AP1M1: variants seen among roughly 807,000 people sequenced by gnomAD.
AP1M1 encodes the protein AP-1 complex subunit mu-1.
AP1M1 carries 18 observed loss-of-function variants against 57.1 expected under a neutral mutation model. The observed-to-expected ratio is 0.32, with a 90% CI of 0.22 to 0.47. The LOEUF is 0.47. Ranked by LOEUF, AP1M1 falls within the 20% of genes least tolerant of loss-of-function variation. The pLI is 1.00. For synonymous variants in AP1M1, 241 were observed against 237.9 expected (o/e 1.01, Z -0.12); for missense variants, 362 against 593.5 (o/e 0.61, Z 4.05).
chr19:16,231,842 T>C (rs906986119), intron 9 of AP1M1, among the ~76,000 whole-genome samples: 44 of 152,382 alleles, frequency 2.9e-4, no homozygotes, highest in African/African-American at 1.1e-3. Context: ...TTTCAACTTT[T>C]TGTGGAAGTG....
chr19:16,216,484 G>T (rs1346200322), intron 5 of AP1M1, among the ~76,000 whole-genome samples: 3 of 152,096 alleles, frequency 2.0e-5, no homozygotes, highest in Non-Finnish European at 4.4e-5. Context: ...AACTACTGCA[G>T]TTTGGAGGAA....
At chr19:16,214,972 C>T (rs2091511323) in intron 5 of AP1M1, among the ~76,000 whole-genome samples, 1 of 151,426 alleles carries the variant, frequency 6.6e-6, no homozygotes, top group African/African-American at 2.4e-5. Flanking sequence ...TAGTCTCAGA[C>T]TCCTGGATTC....
intron 5 of AP1M1, among the ~76,000 whole-genome samples, chr19:16,224,480 G>T (rs1390234171): frequency 6.6e-6 from 1 of 152,226 alleles, no homozygotes; most frequent in Non-Finnish European, 1.5e-5. Context: ...GCCTCCAGAT[G>T]CGATCATCTG....
intron 10 of AP1M1, chr19:16,233,997 T>C: frequency 1.7e-6 from 1 of 596,434 alleles, no homozygotes; most frequent in South Asian, 2.3e-5. Flanking sequence ...ACATCCTGGC[T>C]GCTCACCACT....
chr19:16,202,004 A>G (rs2091450230), intron 1 of AP1M1, among the ~76,000 whole-genome samples: 1 of 152,080 alleles, frequency 6.6e-6, no homozygotes. Context: ...TCTGTGTAGG[A>G]AGAGCCCTGT....
chr19:16,228,639 C>A lies in AP1M1; in HGVS notation c.889-131C>A. On this transcript the variant is annotated intron_variant, in intron 8 of 11. Coordinates refer to ENST00000291439, the MANE Select transcript of AP1M1 (RefSeq NM_032493.4). The surrounding 1 kb of genome is among the most constrained non-coding windows in gnomAD (Gnocchi z 5.0). ...AGGGCAGGAGAAGGGGTGGGTAGTG[C>A]CTGGAGAAGTGGGGCCAGGGGCGGG... 1.1e-6 allele frequency: 1 copy of A among 938,092 alleles called. No individual in the cohort carries two copies. Among genetic ancestry groups the A allele is most frequent in the Non-Finnish European group, 1.6e-6 (1 of 621,750 alleles). The allele number at this position is 938,092 out of a possible 1,614,324, so 58.1% of individuals were successfully genotyped here. A position where few individuals can be genotyped will look rare whatever the true frequency, so the allele number is the denominator to read the frequency against.
At chr19:16,231,900 T>G (rs914148836) in intron 9 of AP1M1, among the ~76,000 whole-genome samples, 14 of 152,236 alleles carry the variant, frequency 9.2e-5, no homozygotes, top group African/African-American at 3.4e-4. Context: ...TTCTCAGTCC[T>G]GTCCCTACTG....
In AP1M1 at chr19:16,227,809, GC is replaced by G; in HGVS notation, c.816+120del. 1.5e-6 allele frequency: 2 copies of G among 1,308,692 alleles called. No individual in the cohort carries two copies. The highest frequency in any genetic ancestry group is 2.1e-6 in the Non-Finnish European group (2 of 941,312). 81.1% of individuals were successfully genotyped at this position (1,308,692 alleles called of 1,614,324 possible). On this transcript the variant is annotated intron_variant, in intron 7 of 11. Transcript: ENST00000291439. The surrounding 1 kb of genome is among the most constrained non-coding windows in gnomAD (Gnocchi z 6.2). ...CACCCCACGCTCCATGAGCTGCCTG[GC>G]TCTGCAGAGATGGAGTCTGAGGACT...
At chr19:16,213,757 T>A (rs554214275) in intron 5 of AP1M1, among the ~76,000 whole-genome samples, 3 of 152,288 alleles carry the variant, frequency 2.0e-5, no homozygotes, top group Admixed American at 2.0e-4. Flanking sequence ...CCTCCCAAAG[T>A]GCTGGGATAT....
rs903199827 is a variant in AP1M1 at position 16,239,170 on chromosome 19, T to C, written c.*4735T>C. ...CTGGTCTCGAACTCCCGGCTTCAGG[T>C]GATCCGCCCCCCTCACCTTCCCAAA... On this transcript the variant is annotated 3_prime_UTR_variant, in exon 12 of 12. Transcript: ENST00000291439. The C allele has an allele frequency of 6.8e-6, 1 of 147,362 alleles. No individual in the cohort carries two copies. The highest frequency in any genetic ancestry group is 2.5e-5 in the African/African-American group (1 of 39,342). 9.1% of individuals were successfully genotyped at this position (147,362 alleles called of 1,614,324 possible).
intron 5 of AP1M1, among the ~76,000 whole-genome samples, chr19:16,212,551 C>G (rs756504511): frequency 1.8e-4 from 27 of 152,262 alleles, no homozygotes; most frequent in Middle Eastern, 3.4e-3. Flanking sequence ...ACACCAGCTC[C>G]TGGCTTACTT....
At position 16,245,395 on chromosome 19, in the gene AP1M1, C is replaced by A. The variant is rs1461188448; in HGVS notation, c.*10960C>A. 1.3e-5 allele frequency: 2 copies of A among 152,162 alleles called. No individual in the cohort carries two copies. Among genetic ancestry groups the A allele is most frequent in the African/African-American group, 2.4e-5 (1 of 41,428 alleles). The allele number at this position is 152,162 out of a possible 1,614,324, so 9.4% of individuals were successfully genotyped here. A position where few individuals can be genotyped will look rare whatever the true frequency, so the allele number is the denominator to read the frequency against. On this transcript the variant is annotated 3_prime_UTR_variant, in exon 12 of 12. Coordinates refer to ENST00000291439, the MANE Select transcript of AP1M1 (RefSeq NM_032493.4). ...CTCCTGGGTTCAAGCAATTCTCCTG[C>A]CTCAGCCTCCTGAGTAGCCAGGATT...
At chr19:16,214,444 C>A (rs905244893) in intron 5 of AP1M1, among the ~76,000 whole-genome samples, 2 of 151,566 alleles carry the variant, frequency 1.3e-5, no homozygotes, top group African/African-American at 4.9e-5. Context: ...CTCTGCCTCC[C>A]TGGCTCAAGC....
In AP1M1 at chr19:16,211,996, G is replaced by A. The variant is rs1006983189; in HGVS notation, c.546+2819G>A. On this transcript the variant is annotated intron_variant, in intron 5 of 11. Transcript: ENST00000291439. Reference sequence around the variant, plus strand: ...GCTTTTTGATGTACTGCTGGATTCAGTTTACTAGTATTTTGTTGAGGATTT... The same window carrying A: ...GCTTTTTGATGTACTGCTGGATTCAATTTACTAGTATTTTGTTGAGGATTT... 2.0e-5 allele frequency among the ~76,000 whole-genome samples: 3 copies of A among 152,182 alleles called. No individual in the cohort carries two copies. The South Asian group carries it at 6.2e-4, about 32-fold the overall frequency.
At position 16,234,514 on chromosome 19, in the gene AP1M1, T is replaced by C. The variant is rs1398177801; in HGVS notation, c.*79T>C. On this transcript the variant is annotated 3_prime_UTR_variant, in exon 12 of 12. Coordinates refer to ENST00000291439, the MANE Select transcript of AP1M1 (RefSeq NM_032493.4). ...GGACACACCTGCCAAACCCACCAGA[T>C]GGAGGGGCCCTCCCTGGTCTCTGGC... 21 of 1,578,398 alleles carry C rather than the reference T, an allele frequency of 1.3e-5. No homozygotes were observed. Among genetic ancestry groups the C allele is most frequent in the Non-Finnish European group, 1.7e-5 (20 of 1,155,252 alleles).
Position 16,203,646 on chromosome 19 carries a change from A to G in AP1M1, c.199+31A>G. 1 of 1,575,298 alleles carries G rather than the reference A, an allele frequency of 6.3e-7. No individual in the cohort carries two copies. On this transcript the variant is annotated intron_variant, in intron 2 of 11. Transcript: ENST00000291439. The surrounding 1 kb of genome is among the most constrained non-coding windows in gnomAD (Gnocchi z 4.6). ...CCTTTGCTGGGGGTGCTCCCAGGGG[A>G]CTCCTGTGTGGGTGTTGGTGTGTGT...
At chr19:16,215,477 A>C (rs2091515696) in intron 5 of AP1M1, among the ~76,000 whole-genome samples, 2 of 146,688 alleles carry the variant, frequency 1.4e-5, no homozygotes, top group African/African-American at 5.0e-5. Flanking sequence ...AAAAAAAAAA[A>C]AAAAAAAAAA....
At chr19:16,218,255 C>T (rs2091527242) in intron 5 of AP1M1, among the ~76,000 whole-genome samples, 1 of 152,334 alleles carries the variant, frequency 6.6e-6, no homozygotes, top group East Asian at 1.9e-4. Context: ...ACCACCAGCT[C>T]GCCCTTGAGT....
chr19:16,203,353 G>A lies in AP1M1; in HGVS notation c.43-106G>A, dbSNP rs568781628. ...TCTTTTGCGGATAGTGGCCATGACC[G>A]GAGTCCCCAGAGCGAAGCAGGGTGG... On this transcript the variant is annotated intron_variant, in intron 1 of 11. Coordinates refer to ENST00000291439, the MANE Select transcript of AP1M1 (RefSeq NM_032493.4). This position sits in a 1 kb window ranked among gnomAD's most constrained non-coding sequence, Gnocchi z 4.6. 127 of 1,169,976 alleles carry A rather than the reference G, an allele frequency of 1.1e-4. No homozygotes were observed. In the Admixed American group the frequency reaches 1.7e-3, roughly 16 times the overall value. The allele number at this position is 1,169,976 out of a possible 1,614,324, so 72.5% of individuals were successfully genotyped here.
Sources: gnomAD v4.1 joint callset for allele counts (sites outside exome capture counted in the v4.1 genomes callset) on GRCh38, gnomAD v4.1.1 for gene constraint, Gnocchi (gnomAD v3.1) non-coding constraint, MANE v1.5 for transcripts, NCBI Gene and HGNC (gene_info 2026-07-23, HGNC 2026-07-21) for gene names.